ZNF267: variants seen among roughly 807,000 people sequenced by gnomAD.
The protein encoded by ZNF267 is zinc finger protein 267.
ZNF267 carries 61 observed loss-of-function variants against 71.6 expected under a neutral mutation model. The ratio of observed to expected loss-of-function variants is 0.85; its 90% confidence interval spans 0.69 to 1.05. The LOEUF is 1.05. Ranked by LOEUF, ZNF267 falls within the 50% of genes least tolerant of loss-of-function variation. ZNF267 has a pLI of 0.00. For synonymous variants in ZNF267, 288 were observed against 293.2 expected, an observed-to-expected ratio of 0.98 and a Z score of 0.18; for missense variants, 852 against 870.0, an observed-to-expected ratio of 0.98 and a Z score of 0.26.
At chr16:31,874,086 G>A (rs1173291279) in intron 1 of ZNF267, 117 bp downstream of exon 1, 2 of 1,190,134 alleles carry the variant, frequency 1.7e-6, no homozygotes, top group South Asian at 1.4e-5. Context: ...TCTGGGCCCC[G>A]AGTCCCAACT....
chr16:31,894,169 A>G (rs1162649227), intron 3 of ZNF267, among the ~76,000 whole-genome samples: 1 of 152,190 alleles, frequency 6.6e-6, no homozygotes, highest in African/African-American at 2.4e-5. Context: ...GGCTTTATGG[A>G]CATCTTCTTG....
chr16:31,897,255 A>G (rs1478414286), intron 3 of ZNF267, among the ~76,000 whole-genome samples: 1 of 152,172 alleles, frequency 6.6e-6, no homozygotes, highest in Non-Finnish European at 1.5e-5. Context: ...AGCTACAAAA[A>G]GAAAGTCAGT....
intron 2 of ZNF267, 118 bp from the exon 3 acceptor site, chr16:31,885,043 A>G (rs1377742714): frequency 6.0e-6 from 4 of 671,154 alleles, no homozygotes; most frequent in East Asian, 6.2e-5. Context: ...TATTTTTTCT[A>G]CTGAGCACAG....
intron 3 of ZNF267, among the ~76,000 whole-genome samples, chr16:31,904,514 T>G (rs1021073906): frequency 2.0e-5 from 3 of 152,240 alleles, no homozygotes; most frequent in Non-Finnish European, 4.4e-5. Flanking sequence ...CTCTTCTTGT[T>G]GAATTGATCC....
At chr16:31,885,294 A>G (rs772942120) in intron 3 of ZNF267, 38 bp downstream of exon 3, 1 of 1,560,636 alleles carries the variant, frequency 6.4e-7, no homozygotes, top group South Asian at 1.2e-5. Flanking sequence ...CATGGGCGAG[A>G]GGTCCAGAAG....
chr16:31,876,702 A>G lies in ZNF267; in HGVS notation c.3+2733A>G, dbSNP rs566735838. Reference sequence around the variant, plus strand: ...AAGGCGTTTCACTTTCCTTTATTCTATAAACACTGTTTGAGTAGTTTTGCT... The same window carrying G: ...AAGGCGTTTCACTTTCCTTTATTCTGTAAACACTGTTTGAGTAGTTTTGCT... On this transcript the variant is annotated intron_variant, in intron 1 of 3. Coordinates refer to ENST00000300870, the MANE Select transcript of ZNF267 (RefSeq NM_003414.6). Among the ~76,000 whole-genome samples the G allele has an allele frequency of 1.0e-3, 159 of 152,370 alleles. 4 individuals carry two copies. The South Asian group carries it at 0.031, about 30-fold the overall frequency.
Position 31,915,094 on chromosome 16 carries a change from A to AT in ZNF267, c.846dup (p.Ile283TyrfsTer14), listed in dbSNP as rs1567239772. The AT allele has an allele frequency of 1.2e-6, 2 of 1,613,696 alleles. No individual in the cohort carries two copies. Among genetic ancestry groups the AT allele is most frequent in the Non-Finnish European group, 1.7e-6 (2 of 1,179,848 alleles). ...GAAGTTTGTACCCAGTCATTAAAAC[A>AT]TATTCAACATCAGACCATCCATATC... On this transcript the variant is annotated frameshift_variant, in exon 4 of 4. Transcript: ENST00000300870. LOFTEE classifies it high-confidence loss of function.
chr16:31,900,459 T>C (rs2084030903), intron 3 of ZNF267, among the ~76,000 whole-genome samples: 2 of 152,204 alleles, frequency 1.3e-5, no homozygotes, highest in South Asian at 2.1e-4. Context: ...TTATTTTTTT[T>C]CCTGAAACGG....
chr16:31,904,837 G>C (rs186344209), intron 3 of ZNF267, among the ~76,000 whole-genome samples: 104 of 152,260 alleles, frequency 6.8e-4, no homozygotes, highest in African/African-American at 2.4e-3. Flanking sequence ...TATGATGTTA[G>C]CTGGTTATTT....
intron 3 of ZNF267, among the ~76,000 whole-genome samples, chr16:31,898,627 T>C (rs2084016939): frequency 6.6e-6 from 1 of 152,096 alleles, no homozygotes; most frequent in South Asian, 2.1e-4. Context: ...GTGGTTACCA[T>C]AGATATTACA....
chr16:31,906,665 G>A (rs1214285409), intron 3 of ZNF267, among the ~76,000 whole-genome samples: 1 of 152,140 alleles, frequency 6.6e-6, no homozygotes, highest in Non-Finnish European at 1.5e-5. Context: ...GATTTTCCAG[G>A]TGCCGTCTGT....
At chr16:31,906,237 A>C (rs1179362898) in intron 3 of ZNF267, among the ~76,000 whole-genome samples, 3 of 152,182 alleles carry the variant, frequency 2.0e-5, no homozygotes, top group Non-Finnish European at 4.4e-5. Flanking sequence ...GACCCACTTG[A>C]GGAGGCAGTC....
intron 1 of ZNF267, among the ~76,000 whole-genome samples, chr16:31,878,708 T>C (rs77342548): frequency 0.014 from 2,105 of 152,306 alleles, 57 homozygotes; most frequent in African/African-American, 0.048. Context: ...TACTGCCCCC[T>C]GCTCATGGCT....
intron 3 of ZNF267, among the ~76,000 whole-genome samples, chr16:31,905,957 T>C (rs2084086436): frequency 6.6e-6 from 1 of 152,096 alleles, no homozygotes; most frequent in Admixed American, 6.6e-5. Flanking sequence ...TACAGATGGG[T>C]TTTTGGTGTG....
At chr16:31,876,609 G>A (rs1415021167) in intron 1 of ZNF267, among the ~76,000 whole-genome samples, 6 of 152,228 alleles carry the variant, frequency 3.9e-5, no homozygotes, top group African/African-American at 9.6e-5. Context: ...ATGGAAATAA[G>A]TAAGTGGCCT....
At chr16:31,908,033 ACT>A (rs911206120) in intron 3 of ZNF267, among the ~76,000 whole-genome samples, 1 of 151,298 alleles carries the variant, frequency 6.6e-6, no homozygotes, top group African/African-American at 2.4e-5. Context: ...ACAACGCAAG[ACT>A]CTGTCTCAAA....
At position 31,914,732 on chromosome 16, in the gene ZNF267, CTT is replaced by C; in HGVS notation, c.485_486del (p.Phe162Ter). 1 of 1,614,070 alleles carries C rather than the reference CTT, an allele frequency of 6.2e-7. No homozygotes were observed. Among genetic ancestry groups the C allele is most frequent in the Middle Eastern group, 1.7e-4 (1 of 6,058 alleles). ...TTTCTTCTTGTGCCAAAAGCTATAA[CTT>C]TGATCAATATAGGAAGGTCTTTACT... ...ILSSCAKSYN[F>X]DQYRKVFTHS... On this transcript the variant is annotated frameshift_variant, in exon 4 of 4. Transcript: ENST00000300870. LOFTEE classifies it high-confidence loss of function.
chr16:31,873,964 G>C lies in ZNF267; in HGVS notation c.-3G>C, dbSNP rs748877236. 2 of 1,613,624 alleles carry C rather than the reference G, an allele frequency of 1.2e-6. No individual in the cohort carries two copies. The highest frequency in any genetic ancestry group is 1.1e-5 in the South Asian group (1 of 91,042). ...GACGCCAGGGCATCCCGGAAGCTGG[G>C]AAATGGTGAGTGTGCGGGGTCGGGG... is the stretch of plus-strand genomic sequence containing the variant. On this transcript the variant is annotated 5_prime_UTR_variant, in exon 1 of 4. Transcript: ENST00000300870.
chr16:31,892,677 A>G (rs1017256278), intron 3 of ZNF267, among the ~76,000 whole-genome samples: 12 of 152,238 alleles, frequency 7.9e-5, no homozygotes, highest in Admixed American at 1.3e-4. Context: ...CAAAGGGGCT[A>G]TAAGCCCCAT....
Sources: allele counts gnomAD v4.1 joint callset (sites outside exome capture counted in the v4.1 genomes callset), GRCh38; gene constraint gnomAD v4.1.1; transcripts MANE v1.5; gene names NCBI Gene and HGNC (gene_info 2026-07-23, HGNC 2026-07-21).